The following INO80E variants were observed in gnomAD, a reference collection of about 807,000 sequenced individuals.
INO80E encodes INO80 complex subunit E.
INO80E carries 20 observed loss-of-function variants against 27.3 expected under a neutral mutation model. The observed-to-expected ratio is 0.73, with a 90% CI of 0.51 to 1.06. INO80E has a LOEUF of 1.06. Ranked by LOEUF, INO80E falls within the 50% of genes least tolerant of loss-of-function variation. The probability of loss-of-function intolerance (pLI) is 0.00; values close to 1 mark genes in which losing one functional copy is unlikely to be tolerated. For missense variants in INO80E, 357 were observed against 322.8 expected (o/e 1.11, Z -0.81); for synonymous variants, 167 against 145.9 (o/e 1.14, Z -1.04).
At chr16:29,996,444 T>G in intron 1 of INO80E, 53 bp downstream of exon 1, 2 of 1,555,372 alleles carry the variant, frequency 1.3e-6, no homozygotes, top group South Asian at 2.4e-5. Flanking sequence ...GCGGACAAGA[T>G]CTCAGTTTAC....
chr16:30,000,946 T>TG lies in INO80E; in HGVS notation c.308dup (p.Ala104ArgfsTer41), dbSNP rs1197098957. ...TTCTCCAGGAAGAGAAGCCCTCCGC[T>TG]GGGGGGCGCCCCCTCTCCCTCCAGC... On this transcript the variant is annotated frameshift_variant, in exon 5 of 7. Coordinates refer to ENST00000563197, the MANE Select transcript of INO80E (RefSeq NM_173618.3). LOFTEE classifies it high-confidence loss of function. The TG allele has an allele frequency of 1.3e-6, 2 of 1,588,494 alleles. No homozygotes were observed. The highest frequency in any genetic ancestry group is 8.6e-7 in the Non-Finnish European group (1 of 1,163,700).
At position 29,996,497 on chromosome 16, in the gene INO80E, G is replaced by A. The variant is rs769052020; in HGVS notation, c.82-50G>A. Reference sequence around the variant, plus strand: ...GGGGCGAGCGGCCGCTGGTTCCGGGGCCCTTCACGGAGGACCGTTGGCCCA... The same window carrying A: ...GGGGCGAGCGGCCGCTGGTTCCGGGACCCTTCACGGAGGACCGTTGGCCCA... On this transcript the variant is annotated intron_variant, in intron 1 of 6. Coordinates refer to ENST00000563197, the MANE Select transcript of INO80E (RefSeq NM_173618.3). The A allele has an allele frequency of 9.0e-6, 14 of 1,552,270 alleles. No individual in the cohort carries two copies. In the South Asian group the frequency reaches 1.2e-4, roughly 13 times the overall value.
chr16:29,997,446 A>G (rs909762742), intron 3 of INO80E, among the ~76,000 whole-genome samples: 1 of 151,166 alleles, frequency 6.6e-6, no homozygotes, highest in African/African-American at 2.4e-5. Context: ...TTTTTTTCCA[A>G]CCGTTTAAAA....
intron 3 of INO80E, among the ~76,000 whole-genome samples, chr16:29,997,226 G>A (rs984991103): frequency 1.8e-4 from 27 of 150,058 alleles, no homozygotes; most frequent in African/African-American, 6.6e-4. Flanking sequence ...AGTAGAACAG[G>A]GGTTGATGAA....
In INO80E at chr16:29,996,362, C is replaced by G; in HGVS notation, c.52C>G (p.Leu18Val). The change falls in exon 1 of 7, where the codon CTG becomes GTG. Residue 18 changes from leucine (L) to valine (V), a missense_variant. Physicochemically the swap from Leu to Val is conservative, Grantham distance 32. Coordinates refer to ENST00000563197, the MANE Select transcript of INO80E (RefSeq NM_173618.3). ...EVDYKKKYRN[L>V]KRKLKFLIYE... is the part of the protein sequence containing the mutation. ...GGACTACAAAAAAAAATACCGGAAT[C>G]TGAAGCGGAAGCTCAAGTTCCTCAT... 1 of 1,599,154 alleles carries G rather than the reference C, an allele frequency of 6.3e-7. No homozygotes were observed. Among genetic ancestry groups the G allele is most frequent in the African/African-American group, 1.3e-5 (1 of 74,788 alleles).
intron 3 of INO80E, among the ~76,000 whole-genome samples, chr16:29,998,414 A>C (rs925361921): frequency 1.3e-5 from 2 of 152,170 alleles, no homozygotes; most frequent in African/African-American, 4.8e-5. Flanking sequence ...GAGCAGAGGC[A>C]TGAAAGAGAG....
At chr16:30,001,068 C>T in intron 5 of INO80E, 28 bp downstream of exon 5, 1 of 1,523,104 alleles carries the variant, frequency 6.6e-7, no homozygotes, top group Non-Finnish European at 8.8e-7. Flanking sequence ...ATGGGAAGTG[C>T]TTGGGAGTAA....
Position 30,005,428 on chromosome 16 carries a change from G to C in INO80E, c.721G>C (p.Asp241His). 6.2e-7 allele frequency: 1 copy of C among 1,600,240 alleles called. No individual in the cohort carries two copies. Among genetic ancestry groups the C allele is most frequent in the Non-Finnish European group, 8.5e-7 (1 of 1,173,912 alleles). Residue 241 changes from aspartate to histidine, a missense_variant, in exon 7 of 7, where the codon GAC becomes CAC. Asp to His is a moderately conservative substitution (Grantham distance 81, BLOSUM62 -1). Coordinates refer to ENST00000563197, the MANE Select transcript of INO80E (RefSeq NM_173618.3). ...ALDGDDDLVI[D>H]IPE ...GGATGGAGACGATGACCTGGTGATCGACATCCCGGAGTGACCGTGACATCA... is the reference window on the plus strand; with the variant it reads ...GGATGGAGACGATGACCTGGTGATCCACATCCCGGAGTGACCGTGACATCA...
In INO80E at chr16:30,005,672, G is replaced by A. The variant is rs1364223117; in HGVS notation, c.*230G>A. On this transcript the variant is annotated 3_prime_UTR_variant, in exon 7 of 7. Coordinates refer to ENST00000563197, the MANE Select transcript of INO80E (RefSeq NM_173618.3). ...GGGACAGTTATTTAAACGAGTGGCC[G>A]GGAGCATCTGCCACCTGCTGGGGAG... 2.1e-5 allele frequency: 12 copies of A among 558,728 alleles called. No individual in the cohort carries two copies. Among genetic ancestry groups the A allele is most frequent in the Admixed American group, 1.1e-4 (3 of 27,604 alleles). 34.6% of individuals were successfully genotyped at this position (558,728 alleles called of 1,614,324 possible).
At chr16:29,998,290 C>CAAA (rs796207569) in intron 3 of INO80E, among the ~76,000 whole-genome samples, 2 of 77,540 alleles carry the variant, frequency 2.6e-5, no homozygotes, top group African/African-American at 3.8e-5. Context: ...GACTCCATCT[C>CAAA]AAAAAAAAAA....
chr16:30,001,670 A>G (rs1343233720), intron 6 of INO80E, 140 bp downstream of exon 6: 2 of 754,124 alleles, frequency 2.7e-6, no homozygotes, highest in Non-Finnish European at 4.3e-6. Context: ...TGAGGGGTGG[A>G]TCACAGAAGT....
Position 30,001,000 on chromosome 16 carries a change from C to T in INO80E, c.356C>T (p.Pro119Leu), listed in dbSNP as rs2150933107. ...TCCCTGCCTCCTTCAACAGGGTTTC[C>T]CCTTCAGGCCTCCGGGGTCCCCTCC... ...SLSLPPSTGF[P>L]LQASGVPSPY... The change falls in exon 5 of 7, where the codon CCC (proline) becomes CTC (leucine). Residue 119 changes from proline (P) to leucine (L), a missense_variant. By Grantham distance (98) the Pro-to-Leu change is moderately conservative. Transcript: ENST00000563197. The T allele has an allele frequency of 6.4e-7, 1 of 1,554,298 alleles. No homozygotes were observed. The highest frequency in any genetic ancestry group is 8.7e-7 in the Non-Finnish European group (1 of 1,148,948).
rs1199919794 is a variant in INO80E at position 30,003,512 on chromosome 16, T to C, written c.514-1709T>C. On this transcript the variant is annotated intron_variant, in intron 6 of 6. Transcript: ENST00000563197. This position sits in a 1 kb window ranked among gnomAD's most constrained non-coding sequence, Gnocchi z 4.4. ...AGTCCAAGCAGAGGAAGGATAGCTG[T>C]GAAGACAGAAGCAGGTTGGTTCTGT... 1 of 152,130 alleles carries C rather than the reference T, an allele frequency of 6.6e-6. No individual in the cohort carries two copies. The highest frequency in any genetic ancestry group is 1.5e-5 in the Non-Finnish European group (1 of 68,044). 9.4% of individuals were successfully genotyped at this position (152,130 alleles called of 1,614,324 possible). A position where few individuals can be genotyped will look rare whatever the true frequency, so the allele number is the denominator to read the frequency against.
At chr16:29,996,485 G>T in intron 1 of INO80E, 62 bp from the exon 2 acceptor site, 3 of 1,550,158 alleles carry the variant, frequency 1.9e-6, no homozygotes, top group Non-Finnish European at 2.6e-6. Context: ...GCGAGCGGCC[G>T]CTGGTTCCGG....
chr16:29,999,655 A>C (rs1005598388), intron 3 of INO80E: 3 of 152,262 alleles, frequency 2.0e-5, no homozygotes, highest in African/African-American at 7.2e-5. Context: ...AGGCAGAGGC[A>C]CTGAACTAGG....
rs2150920554 is a variant in INO80E, at chr16:29,996,806, A to G, written c.153-2A>G. On this transcript the variant is annotated splice_acceptor_variant, in intron 2 of 6. Transcript: ENST00000563197. LOFTEE classifies it high-confidence loss of function. ...TGTCCGTGTCTCCTTCCCTCCCCTCAGTTTCCTCCTAGACCGACTTCTGCA... is the reference window on the plus strand; with the variant it reads ...TGTCCGTGTCTCCTTCCCTCCCCTCGGTTTCCTCCTAGACCGACTTCTGCA... 6.2e-7 allele frequency: 1 copy of G among 1,614,056 alleles called. No homozygotes were observed. Among genetic ancestry groups the G allele is most frequent in the Admixed American group, 1.7e-5 (1 of 60,018 alleles).
chr16:30,001,546 G>A lies in INO80E; in HGVS notation c.513+16G>A. ...GAAACTCAAGGTACCCTGACGTGGGGGTGCTAGGGAGGGGCAGGACGGCAG... is the reference window on the plus strand; with the variant it reads ...GAAACTCAAGGTACCCTGACGTGGGAGTGCTAGGGAGGGGCAGGACGGCAG... On this transcript the variant is annotated intron_variant, in intron 6 of 6. Coordinates refer to ENST00000563197, the MANE Select transcript of INO80E (RefSeq NM_173618.3). 6.2e-7 allele frequency: 1 copy of A among 1,608,398 alleles called. No homozygotes were observed. Among genetic ancestry groups the A allele is most frequent in the Non-Finnish European group, 8.5e-7 (1 of 1,177,194 alleles).
chr16:30,000,793 A>G lies in INO80E; in HGVS notation c.241A>G (p.Thr81Ala), dbSNP rs768492343. 49 of 1,614,040 alleles carry G rather than the reference A, an allele frequency of 3.0e-5. No individual in the cohort carries two copies. The highest frequency in any genetic ancestry group is 4.0e-5 in the Non-Finnish European group (47 of 1,180,022). The change falls in exon 4 of 7, where the codon ACG becomes GCG. Residue 81 changes from threonine to alanine, a missense_variant. Thr to Ala is a moderately conservative substitution (Grantham distance 58). Coordinates refer to ENST00000563197, the MANE Select transcript of INO80E (RefSeq NM_173618.3). ...DATASSDNSETEGTPKLSDTP... is the reference protein window; with the variant it reads ...DATASSDNSEAEGTPKLSDTP... ...CACTGCATCATCAGATAACAGCGAG[A>G]CGGAGGGGACACCCAAGTTGTCTGA... is the stretch of plus-strand genomic sequence containing the variant.
At chr16:30,001,693 G>A (rs972222271) in intron 6 of INO80E, 163 bp downstream of exon 6, 1 of 661,388 alleles carries the variant, frequency 1.5e-6, no homozygotes, top group Admixed American at 3.0e-5. Flanking sequence ...CGGCTTACAG[G>A]CTTGTATGGA....
Sources: gnomAD v4.1 joint callset for allele counts (sites outside exome capture counted in the v4.1 genomes callset) on GRCh38, gnomAD v4.1.1 for gene constraint, Gnocchi (gnomAD v3.1) non-coding constraint, MANE v1.5 for transcripts, NCBI Gene and HGNC (gene_info 2026-07-23, HGNC 2026-07-21) for gene names.